The following PCSK2 variants were observed in gnomAD, a reference collection of about 807,000 sequenced individuals.
The protein encoded by PCSK2 is neuroendocrine convertase 2.
In PCSK2, 14 loss-of-function variants were observed where a neutral mutation model predicts 69.7. The ratio of observed to expected loss-of-function variants is 0.20; its 90% CI spans 0.13 to 0.31. The LOEUF (loss-of-function observed/expected upper bound fraction) is 0.31, where lower values mean the gene tolerates loss of function less well. Among genes scored for constraint, PCSK2 ranks in the 10% least tolerant of loss-of-function variants. The pLI, the probability that PCSK2 is intolerant of heterozygous loss-of-function variation, is 1.00. For missense variants in PCSK2, 544 were observed against 842.5 expected, an observed-to-expected ratio of 0.65 and a Z score of 4.39; for synonymous variants, 307 against 320.7, an observed-to-expected ratio of 0.96 and a Z score of 0.46.
intron 11 of PCSK2, among the ~76,000 whole-genome samples, chr20:17,480,929 G>T (rs147612104): frequency 0.022 from 3,277 of 152,276 alleles, 48 homozygotes; most frequent in Non-Finnish European, 0.03. Context: ...AGGAAGCCCA[G>T]GGGGAACACG....
chr20:17,347,343 C>T (rs1477032104), intron 2 of PCSK2, among the ~76,000 whole-genome samples: 1 of 152,196 alleles, frequency 6.6e-6, no homozygotes, highest in South Asian at 2.1e-4. Context: ...GACCTCTCTC[C>T]TCTCCAGATC....
At chr20:17,351,415 A>G (rs1272267635) in intron 2 of PCSK2, among the ~76,000 whole-genome samples, 1 of 152,216 alleles carries the variant, frequency 6.6e-6, no homozygotes, top group African/African-American at 2.4e-5. Context: ...ACTACAGGCC[A>G]ATATCCCTGA....
At chr20:17,387,999 C>T (rs1486543970) in intron 5 of PCSK2, among the ~76,000 whole-genome samples, 1 of 151,952 alleles carries the variant, frequency 6.6e-6, no homozygotes, top group African/African-American at 2.4e-5. Context: ...TATGCTGATA[C>T]CTTAAGAATG....
chr20:17,416,732 T>C (rs1190601551), intron 6 of PCSK2, among the ~76,000 whole-genome samples: 1 of 152,244 alleles, frequency 6.6e-6, no homozygotes, highest in African/African-American at 2.4e-5. Context: ...CATATGTTTA[T>C]TGTGGCACTA....
intron 2 of PCSK2, among the ~76,000 whole-genome samples, chr20:17,279,705 T>C (rs1367170874): frequency 6.7e-6 from 1 of 149,976 alleles, no homozygotes; most frequent in Non-Finnish European, 1.5e-5. Flanking sequence ...GAGAATGGCC[T>C]GAACCCGGGA....
Position 17,457,338 on chromosome 20 carries a change from G to C in PCSK2, c.1202+890G>C, listed in dbSNP as rs145258650. On this transcript the variant is annotated intron_variant, in intron 10 of 11. Transcript: ENST00000262545. ...CCAGCATCAATCTCTAGGCAGCCCTGCTTGTCTCTCTCCACATAGGCAGTG... is the reference window on the plus strand; with the variant it reads ...CCAGCATCAATCTCTAGGCAGCCCTCCTTGTCTCTCTCCACATAGGCAGTG... 3.8e-3 allele frequency among the ~76,000 whole-genome samples: 585 copies of C among 152,286 alleles called. 12 individuals carry two copies. The highest frequency in any genetic ancestry group is 0.012 in the African/African-American group (508 of 41,554).
chr20:17,423,077 A>G (rs2032167175), intron 6 of PCSK2, among the ~76,000 whole-genome samples: 1 of 152,144 alleles, frequency 6.6e-6, no homozygotes, highest in African/African-American at 2.4e-5. Context: ...TTTCTCCCCA[A>G]TTGATTTAGA....
chr20:17,296,165 T>G (rs769653604), intron 2 of PCSK2, among the ~76,000 whole-genome samples: 23 of 152,278 alleles, frequency 1.5e-4, no homozygotes, highest in Non-Finnish European at 3.1e-4. Flanking sequence ...CAAGACAGCC[T>G]AAGCAAAGCA....
intron 5 of PCSK2, among the ~76,000 whole-genome samples, chr20:17,396,366 T>C (rs1466961420): frequency 1.3e-5 from 2 of 152,166 alleles, no homozygotes; most frequent in East Asian, 3.9e-4. Flanking sequence ...GGTAAGCCCA[T>C]CTGCAGGCTG....
At chr20:17,269,912 G>A (rs1328805965) in intron 2 of PCSK2, among the ~76,000 whole-genome samples, 1 of 152,036 alleles carries the variant, frequency 6.6e-6, no homozygotes, top group African/African-American at 2.4e-5. Context: ...ATTATAAGTT[G>A]TTGTTGATTT....
At chr20:17,331,914 A>G (rs1312368386) in intron 2 of PCSK2, among the ~76,000 whole-genome samples, 1 of 152,176 alleles carries the variant, frequency 6.6e-6, no homozygotes, top group African/African-American at 2.4e-5. Context: ...TATGAGAAAG[A>G]TGGATATCAG....
chr20:17,441,606 G>A (rs1354496440), intron 8 of PCSK2, among the ~76,000 whole-genome samples: 1 of 152,152 alleles, frequency 6.6e-6, no homozygotes, highest in Non-Finnish European at 1.5e-5. Context: ...GAAGGTGAAA[G>A]GCATGTCTTA....
At chr20:17,240,445 T>A (rs143941947) in intron 1 of PCSK2, among the ~76,000 whole-genome samples, 5 of 152,164 alleles carry the variant, frequency 3.3e-5, no homozygotes, top group African/African-American at 1.2e-4. Flanking sequence ...CTCATACTTC[T>A]GCCTGCTGTA....
chr20:17,241,035 A>C (rs1592020), intron 1 of PCSK2, among the ~76,000 whole-genome samples: 130,574 of 152,168 alleles, frequency 0.86, 56,238 homozygotes, highest in Admixed American at 0.9. Flanking sequence ...TTCTAGGATC[A>C]GTTCGCGCTG....
At chr20:17,249,229 G>T (rs977741715) in intron 1 of PCSK2, among the ~76,000 whole-genome samples, 1 of 152,046 alleles carries the variant, frequency 6.6e-6, no homozygotes, top group Non-Finnish European at 1.5e-5. Flanking sequence ...GCATTAAGTC[G>T]GGCGCGGTGG....
intron 1 of PCSK2, among the ~76,000 whole-genome samples, chr20:17,248,175 G>GGTGTGTGTGTGTGT (rs10640964): frequency 2.5e-4 from 36 of 144,480 alleles, no homozygotes; most frequent in African/African-American, 8.7e-4. Context: ...TATAAAAAAG[G>GGTGTGTGTGTGTGT]GTGTGTGTGT....
chr20:17,446,706 T>G (rs2300925), intron 8 of PCSK2, among the ~76,000 whole-genome samples: 100,989 of 152,104 alleles, frequency 0.66, 33,877 homozygotes, highest in African/African-American at 0.75. Context: ...TTGAATAAAA[T>G]TTTTCATGAA....
intron 1 of PCSK2, among the ~76,000 whole-genome samples, chr20:17,236,441 T>C (rs1043849342): frequency 6.6e-6 from 1 of 152,158 alleles, no homozygotes; most frequent in Non-Finnish European, 1.5e-5. Context: ...ATAATTCAAC[T>C]TTTGTGAGTT....
At chr20:17,414,411 A>G (rs987221071) in intron 6 of PCSK2, among the ~76,000 whole-genome samples, 1 of 152,262 alleles carries the variant, frequency 6.6e-6, no homozygotes, top group Non-Finnish European at 1.5e-5. Flanking sequence ...AAACACCTCT[A>G]CACAAATAAA....
Sources: allele counts gnomAD v4.1 joint callset (sites outside exome capture counted in the v4.1 genomes callset), GRCh38; gene constraint gnomAD v4.1.1; transcripts MANE v1.5; gene names NCBI Gene and HGNC (gene_info 2026-07-23, HGNC 2026-07-21).